The following OPCML variants were observed in gnomAD, a reference collection of about 807,000 sequenced individuals.
OPCML encodes the protein opioid binding protein/cell adhesion molecule like.
OPCML carries 13 observed loss-of-function variants against 37.8 expected under a neutral mutation model. The ratio of observed to expected loss-of-function variants is 0.34; its 90% CI spans 0.22 to 0.55. OPCML has a LOEUF of 0.55. OPCML is among the 20% of genes least tolerant of loss of function. The pLI, the probability that OPCML is intolerant of heterozygous loss-of-function variation, is 0.91. For missense variants in OPCML, 341 were observed against 435.6 expected, an observed-to-expected ratio of 0.78 and a Z score of 1.93; for synonymous variants, 176 against 168.8, an observed-to-expected ratio of 1.04 and a Z score of -0.33.
At chr11:132,696,203 G>T (rs932432961) in intron 2 of OPCML, among the ~76,000 whole-genome samples, 1 of 152,170 alleles carries the variant, frequency 6.6e-6, no homozygotes, top group African/African-American at 2.4e-5. Context: ...TAAGAAATGT[G>T]CCACCTGCCC....
At chr11:132,437,515 A>G in intron 4 of OPCML, 156 bp from the exon 5 acceptor site, 1 of 980,822 alleles carries the variant, frequency 1.0e-6, no homozygotes, top group Non-Finnish European at 1.2e-6. Context: ...TGTTGCTCAA[A>G]AGATACGGCA....
intron 2 of OPCML, among the ~76,000 whole-genome samples, chr11:132,937,551 AGTGTGTGTGTGTCGT>A (rs1225303263): frequency 3.6e-5 from 4 of 110,148 alleles, no homozygotes; most frequent in East Asian, 2.7e-4. Context: ...GTGTGTGTGG[AGTGTGTGTGTGTCGT>A]GTGTGTGTGG....
intron 2 of OPCML, among the ~76,000 whole-genome samples, chr11:132,751,791 G>T (rs2136070847): frequency 6.6e-6 from 1 of 152,282 alleles, no homozygotes; most frequent in East Asian, 1.9e-4. Flanking sequence ...CCACTGAACT[G>T]CTGTTTATTC....
At chr11:133,029,346 C>A (rs4598676) in intron 1 of OPCML, among the ~76,000 whole-genome samples, 2 of 152,248 alleles carry the variant, frequency 1.3e-5, no homozygotes, top group South Asian at 4.1e-4. Context: ...AACTACCATT[C>A]GACCCAGCAA....
At chr11:133,475,975 A>T (rs1454572798) in intron 1 of OPCML, among the ~76,000 whole-genome samples, 1 of 152,180 alleles carries the variant, frequency 6.6e-6, no homozygotes, top group Admixed American at 6.5e-5. Flanking sequence ...ATCCATTTGG[A>T]AATCTCCCTG....
chr11:132,824,775 AT>A (rs1239379109), intron 2 of OPCML, among the ~76,000 whole-genome samples: 1 of 152,210 alleles, frequency 6.6e-6, no homozygotes, highest in Non-Finnish European at 1.5e-5. Flanking sequence ...CAACAAAAAA[AT>A]CAACCACCTT....
At position 132,661,160 on chromosome 11, in the gene OPCML, C is replaced by T. The variant is rs551850348; in HGVS notation, c.147-3841G>A. ...GCCTGTGTGTCCCTTGGGTAATCCTCTCCCTGGTGAGTAGCCATGATCCGG... is the reference window on the plus strand; with the variant it reads ...GCCTGTGTGTCCCTTGGGTAATCCTTTCCCTGGTGAGTAGCCATGATCCGG... On this transcript the variant is annotated intron_variant, in intron 2 of 7. Coordinates refer to ENST00000524381, the MANE Select transcript of OPCML (RefSeq NM_001012393.5). 2.0e-5 allele frequency among the ~76,000 whole-genome samples: 3 copies of T among 152,202 alleles called. No homozygotes were observed. The South Asian group carries it at 6.2e-4, about 32-fold the overall frequency.
intron 1 of OPCML, among the ~76,000 whole-genome samples, chr11:132,991,336 T>C (rs980042845): frequency 1.3e-5 from 2 of 152,216 alleles, no homozygotes; most frequent in Non-Finnish European, 2.9e-5. Context: ...TGTATTCATT[T>C]TCATAAATGC....
intron 2 of OPCML, among the ~76,000 whole-genome samples, chr11:132,902,030 A>C (rs1591778269): frequency 6.6e-6 from 1 of 152,278 alleles, no homozygotes; most frequent in East Asian, 1.9e-4. Flanking sequence ...CTCCAGCATA[A>C]GGTAAATGTA....
At chr11:133,010,289 T>C (rs1480489884) in intron 1 of OPCML, among the ~76,000 whole-genome samples, 1 of 152,216 alleles carries the variant, frequency 6.6e-6, no homozygotes, top group East Asian at 1.9e-4. Flanking sequence ...CATTCCAGCA[T>C]CTAGCAGAAT....
At chr11:133,002,522 A>G (rs561052444) in intron 1 of OPCML, among the ~76,000 whole-genome samples, 78 of 152,260 alleles carry the variant, frequency 5.1e-4, no homozygotes, top group African/African-American at 1.2e-3. Flanking sequence ...TTATCTATCA[A>G]ATAAGGAGGA....
intron 3 of OPCML, among the ~76,000 whole-genome samples, chr11:132,575,459 A>C (rs947838073): frequency 1.2e-4 from 18 of 152,072 alleles, no homozygotes; most frequent in African/African-American, 4.3e-4. Context: ...TACACAAGAC[A>C]TAGACATAAG....
chr11:133,444,800 T>G (rs546405671), intron 1 of OPCML, among the ~76,000 whole-genome samples: 45 of 86,546 alleles, frequency 5.2e-4, no homozygotes, highest in Admixed American at 2.0e-3. Flanking sequence ...TGTTTTTTGG[T>G]TTTTTTTGCA....
At chr11:133,295,875 T>A (rs1942616993) in intron 1 of OPCML, among the ~76,000 whole-genome samples, 1 of 152,372 alleles carries the variant, frequency 6.6e-6, no homozygotes, top group Non-Finnish European at 1.5e-5. Context: ...TCACAGTCAA[T>A]AGTGCTATAT....
At chr11:133,338,095 A>G (rs549322555) in intron 1 of OPCML, among the ~76,000 whole-genome samples, 1 of 152,094 alleles carries the variant, frequency 6.6e-6, no homozygotes, top group Non-Finnish European at 1.5e-5. Context: ...GTTTTCCATC[A>G]GCTTAGCTCC....
intron 1 of OPCML, chr11:133,003,940 C>G: frequency 1.0e-6 from 1 of 985,444 alleles, no homozygotes; most frequent in Non-Finnish European, 1.2e-6. Flanking sequence ...AGGCTGGCAG[C>G]ACCCGGCACA....
intron 3 of OPCML, among the ~76,000 whole-genome samples, chr11:132,634,525 C>G (rs1261608424): frequency 6.6e-6 from 1 of 152,150 alleles, no homozygotes; most frequent in Non-Finnish European, 1.5e-5. Context: ...TAGTTACATG[C>G]TTCAAGGGAA....
At chr11:133,140,913 A>AGACGAAGAAGAT (rs1375300359) in intron 1 of OPCML, among the ~76,000 whole-genome samples, 1 of 16,090 alleles carries the variant, frequency 6.2e-5, no homozygotes, top group African/African-American at 1.4e-4. Context: ...ACGACGAAGA[A>AGACGAAGAAGAT]GAAGAAGACG....
chr11:133,230,593 T>C (rs1490232957), intron 1 of OPCML, among the ~76,000 whole-genome samples: 1 of 152,224 alleles, frequency 6.6e-6, no homozygotes, highest in African/African-American at 2.4e-5. Flanking sequence ...AGACCTTATC[T>C]GGCACTTCGC....
Sources: gnomAD v4.1 joint callset for allele counts (sites outside exome capture counted in the v4.1 genomes callset) on GRCh38, gnomAD v4.1.1 for gene constraint, MANE v1.5 for transcripts, NCBI Gene and HGNC (gene_info 2026-07-23, HGNC 2026-07-21) for gene names.